Variants in CKMT2 observed in about 807,000 individuals in gnomAD.
CKMT2 encodes the protein creatine kinase S-type, mitochondrial.
A neutral mutation model predicts 48.9 loss-of-function variants in CKMT2; 43 were observed. That is an observed-to-expected ratio of 0.88 (90% confidence interval 0.69 to 1.13). CKMT2 has a LOEUF of 1.13. Among genes scored for constraint, CKMT2 ranks in the 50% most tolerant of loss-of-function variants. The pLI, the probability that CKMT2 is intolerant of heterozygous loss-of-function variation, is 0.00. For synonymous variants in CKMT2, 206 were observed against 213.0 expected (o/e 0.97, Z 0.29); for missense variants, 472 against 555.4 (o/e 0.85, Z 1.51).
intron 2 of CKMT2, 39 bp from the exon 3 acceptor site, chr5:81,252,656 G>A: frequency 6.2e-7 from 1 of 1,608,316 alleles, no homozygotes. Flanking sequence ...CCTTTCCTCG[G>A]GGGCTGCTGG....
intron 8 of CKMT2, among the ~76,000 whole-genome samples, chr5:81,259,723 G>A (rs917021296): frequency 6.6e-6 from 1 of 152,108 alleles, no homozygotes; most frequent in South Asian, 2.1e-4. Context: ...CGCTGTCTTA[G>A]AGCACTCTTC....
At chr5:81,263,760 C>G (rs976397569) in intron 9 of CKMT2, 144 bp downstream of exon 9, 44 of 594,644 alleles carry the variant, frequency 7.4e-5, no homozygotes, top group African/African-American at 4.6e-4. Context: ...GCTTTTCATT[C>G]TGTAACATTA....
chr5:81,241,527 T>G (rs1756433909), intron 1 of CKMT2, among the ~76,000 whole-genome samples: 1 of 152,186 alleles, frequency 6.6e-6, no homozygotes, highest in South Asian at 2.1e-4. Context: ...TGGGTAGTAG[T>G]TTCATTTAAG....
intron 1 of CKMT2, among the ~76,000 whole-genome samples, chr5:81,234,051 T>C (rs866131733): frequency 7.0e-6 from 1 of 143,046 alleles, no homozygotes; most frequent in Non-Finnish European, 1.5e-5. Context: ...AAAAAACCTA[T>C]GGAATTGGCC....
intron 7 of CKMT2, among the ~76,000 whole-genome samples, 147 bp from the exon 8 acceptor site, chr5:81,258,954 GTCTGGTAGGAGAGGTATTA>G (rs1260852944): frequency 1.3e-5 from 2 of 152,108 alleles, no homozygotes; most frequent in African/African-American, 2.4e-5. Context: ...CATTTTAATA[GTCTGGTAGGAGAGGTATTA>G]TTTTCTCTTA....
At chr5:81,233,494 G>C (rs1373119394) in intron 1 of CKMT2, 117 bp downstream of exon 1, 1 of 736,322 alleles carries the variant, frequency 1.4e-6, no homozygotes. Flanking sequence ...CCGTTAGGAC[G>C]CTGACTGCGA....
chr5:81,248,479 C>T (rs1756685324), intron 1 of CKMT2, among the ~76,000 whole-genome samples: 1 of 152,140 alleles, frequency 6.6e-6, no homozygotes, highest in Non-Finnish European at 1.5e-5. Flanking sequence ...TTGCCTGCTG[C>T]AAGCAAGGAC....
rs149754544 is a variant in CKMT2 at position 81,247,186 on chromosome 5, G to A, written c.-20-3927G>A. On this transcript the variant is annotated intron_variant, in intron 1 of 9. Coordinates refer to ENST00000254035, the MANE Select transcript of CKMT2 (RefSeq NM_001099735.2). ...TGAACAGAACAGTTCAGTACGTTAT[G>A]ATAATGCTCAGAACATGGAGGGAAC... Among the ~76,000 whole-genome samples, 716 of 152,294 alleles carry A rather than the reference G, an allele frequency of 4.7e-3. 4 individuals are homozygous for A. The highest frequency in any genetic ancestry group is 7.0e-3 in the Non-Finnish European group (479 of 68,020).
chr5:81,243,204 G>A (rs1244038913), intron 1 of CKMT2, among the ~76,000 whole-genome samples: 1 of 152,202 alleles, frequency 6.6e-6, no homozygotes, highest in East Asian at 1.9e-4. Flanking sequence ...ATGTGGCACT[G>A]AGTTTACCCG....
intron 2 of CKMT2, among the ~76,000 whole-genome samples, chr5:81,251,516 A>G (rs939900129): frequency 1.3e-5 from 2 of 152,140 alleles, no homozygotes; most frequent in Admixed American, 1.3e-4. Flanking sequence ...TGAACCTGGG[A>G]GGCGGAGGTT....
In CKMT2 at chr5:81,255,402, C is replaced by G. The variant is rs115097531; in HGVS notation, c.669+188C>G. Among the ~76,000 whole-genome samples, 218 of 152,342 alleles carry G rather than the reference C, an allele frequency of 1.4e-3. 1 individual carries two copies. Among genetic ancestry groups the G allele is most frequent in the Middle Eastern group, 3.4e-3 (1 of 294 alleles). Reference sequence around the variant, plus strand: ...AAGAAAGACGAGGCCACACATTGTACTTGTCAAGCCACTGAAACATTCTAT... The same window carrying G: ...AAGAAAGACGAGGCCACACATTGTAGTTGTCAAGCCACTGAAACATTCTAT... On this transcript the variant is annotated intron_variant, in intron 5 of 9. Transcript: ENST00000254035.
intron 1 of CKMT2, chr5:81,238,933 C>T (rs117042618): frequency 6.6e-6 from 1 of 152,198 alleles, no homozygotes; most frequent in Admixed American, 6.5e-5. Context: ...TATAAAAGCT[C>T]CTTGAGGGCA....
chr5:81,254,931 T>C (rs1756944680), intron 4 of CKMT2, 62 bp from the exon 5 acceptor site: 4 of 1,389,070 alleles, frequency 2.9e-6, no homozygotes, highest in Non-Finnish European at 4.1e-6. Flanking sequence ...TAGAACCCAC[T>C]GTGGCTGTGG....
intron 1 of CKMT2, among the ~76,000 whole-genome samples, chr5:81,246,423 C>A (rs1300454220): frequency 6.6e-6 from 1 of 152,022 alleles, no homozygotes; most frequent in African/African-American, 2.4e-5. Flanking sequence ...CCCTGCCTAG[C>A]CTATTTAAAA....
At chr5:81,265,352 G>A (rs1757352006) in intron 9 of CKMT2, among the ~76,000 whole-genome samples, 1 of 152,300 alleles carries the variant, frequency 6.6e-6, no homozygotes, top group East Asian at 1.9e-4. Context: ...TAGATAGGGA[G>A]GCAGCTGGAG....
intron 1 of CKMT2, chr5:81,242,411 G>T: frequency 2.0e-6 from 1 of 512,706 alleles, no homozygotes; most frequent in Non-Finnish European, 3.8e-6. Context: ...CTACACAACT[G>T]CAACCAACCA....
chr5:81,248,999 G>A (rs1004925232), intron 1 of CKMT2, among the ~76,000 whole-genome samples: 21 of 151,720 alleles, frequency 1.4e-4, no homozygotes, highest in African/African-American at 4.8e-4. Context: ...TAAGTTTGGA[G>A]CATCTTGCAG....
chr5:81,263,149 G>C (rs190270132), intron 8 of CKMT2, among the ~76,000 whole-genome samples: 2,097 of 128,046 alleles, frequency 0.016, 45 homozygotes, highest in African/African-American at 0.057. Context: ...CACAGGGAGG[G>C]AAACATCACA....
In CKMT2 at chr5:81,252,843, C is replaced by T. The variant is rs550930859; in HGVS notation, c.301C>T (p.Pro101Ser). The T allele has an allele frequency of 6.2e-7, 1 of 1,614,166 alleles. No homozygotes were observed. The highest frequency in any genetic ancestry group is 2.2e-5 in the East Asian group (1 of 44,884). The change falls in exon 3 of 10, where the codon CCC becomes TCC. Residue 101 changes from proline (P) to serine (S), a missense_variant. Coordinates refer to ENST00000254035, the MANE Select transcript of CKMT2 (RefSeq NM_001099735.2). The stretch of plus-strand genomic sequence containing the variant: ...GACTGGAGTGGACAACCCTGGCCAC[C>T]CCTTCATAAAGACTGTGGGCATGGT... ...IQTGVDNPGH[P>S]FIKTVGMVAG...
Sources: allele counts gnomAD v4.1 joint callset (sites outside exome capture counted in the v4.1 genomes callset), GRCh38; gene constraint gnomAD v4.1.1; transcripts MANE v1.5; gene names NCBI Gene and HGNC (gene_info 2026-07-23, HGNC 2026-07-21).